Variants in PCBP3 observed in about 807,000 individuals in gnomAD.
PCBP3 encodes poly(rC)-binding protein 3.
PCBP3 carries 25 observed loss-of-function variants against 52.7 expected under a neutral mutation model. The observed-to-expected ratio is 0.47, with a 90% confidence interval of 0.35 to 0.66. PCBP3 has a LOEUF of 0.66. PCBP3 is among the 30% of genes least tolerant of loss of function. The probability of loss-of-function intolerance (pLI) is 0.01; values close to 1 mark genes in which losing one functional copy is unlikely to be tolerated. For synonymous variants in PCBP3, 162 were observed against 183.0 expected, an observed-to-expected ratio of 0.89 and a Z score of 0.93; for missense variants, 391 against 490.3, an observed-to-expected ratio of 0.80 and a Z score of 1.91.
chr21:45,816,263 A>G (rs1387076920), intron 4 of PCBP3, among the ~76,000 whole-genome samples: 1 of 152,120 alleles, frequency 6.6e-6, no homozygotes, highest in Non-Finnish European at 1.5e-5. Flanking sequence ...TCAATAATAA[A>G]TTAACCTTAG....
intron 1 of PCBP3, among the ~76,000 whole-genome samples, chr21:45,658,284 T>C (rs2080152212): frequency 1.3e-5 from 2 of 152,132 alleles, no homozygotes; most frequent in South Asian, 4.1e-4. Flanking sequence ...TATATATTGG[T>C]GGATTCGGTT....
At chr21:45,939,798 A>G (rs369030240) in intron 16 of PCBP3, among the ~76,000 whole-genome samples, 6 of 152,102 alleles carry the variant, frequency 3.9e-5, no homozygotes, top group African/African-American at 1.4e-4. Flanking sequence ...CGGGTCTGAG[A>G]GGGGCCAGCA....
At chr21:45,834,559 G>A (rs2093535520) in intron 4 of PCBP3, among the ~76,000 whole-genome samples, 1 of 152,172 alleles carries the variant, frequency 6.6e-6, no homozygotes, top group South Asian at 2.1e-4. Flanking sequence ...AACAGAAGAC[G>A]GCCACAGCCC....
rs374066398 is a variant in PCBP3 at position 45,803,810 on chromosome 21, G to A, written c.-125-46151G>A. On this transcript the variant is annotated intron_variant, in intron 4 of 17. Transcript: ENST00000681687. ...TGGAACATGGCTTCCCCGTGGCCTC[G>A]CTGCCATAGTCAGGCCTCGGGAGGT... Among the ~76,000 whole-genome samples the A allele has an allele frequency of 3.0e-3, 463 of 152,300 alleles. 1 individual carries two copies. Among genetic ancestry groups the A allele is most frequent in the African/African-American group, 0.01 (424 of 41,564 alleles).
intron 2 of PCBP3, among the ~76,000 whole-genome samples, chr21:45,725,059 C>T (rs1298185526): frequency 6.6e-6 from 1 of 151,952 alleles, no homozygotes; most frequent in Non-Finnish European, 1.5e-5. Flanking sequence ...TATTACTGGC[C>T]GTGTTTTAAA....
chr21:45,914,456 G>A (rs368882173), intron 12 of PCBP3: 17 of 334,882 alleles, frequency 5.1e-5, no homozygotes, highest in East Asian at 4.1e-4. Context: ...GCAGGGACGT[G>A]CGAGAGGAGG....
intron 5 of PCBP3, among the ~76,000 whole-genome samples, chr21:45,861,790 G>A (rs2094520014): frequency 6.6e-6 from 1 of 152,148 alleles, no homozygotes; most frequent in Non-Finnish European, 1.5e-5. Flanking sequence ...CAGACTACAA[G>A]GAAATAAGAG....
At chr21:45,924,325 G>A (rs2075013200) in intron 13 of PCBP3, among the ~76,000 whole-genome samples, 1 of 137,604 alleles carries the variant, frequency 7.3e-6, no homozygotes, top group African/African-American at 2.8e-5. Context: ...GGTAGAAACA[G>A]CACACGTAAG....
intron 9 of PCBP3, 132 bp from the exon 10 acceptor site, chr21:45,909,223 T>C: frequency 1.0e-6 from 1 of 971,580 alleles, no homozygotes. Context: ...GCCTGGCCAC[T>C]TTGTCCTCGG....
intron 2 of PCBP3, among the ~76,000 whole-genome samples, chr21:45,694,386 C>A (rs2147849544): frequency 6.6e-6 from 1 of 152,182 alleles, no homozygotes; most frequent in African/African-American, 2.4e-5. Flanking sequence ...AAAATCTATA[C>A]CACTTGAACA....
At position 45,814,839 on chromosome 21, in the gene PCBP3, A is replaced by AGTGAGTGGTGAG. The variant is rs2092818448; in HGVS notation, c.-125-35122_-125-35121insGTGAGTGGTGAG. Among the ~76,000 whole-genome samples the AGTGAGTGGTGAG allele has an allele frequency of 1.3e-4, 10 of 77,082 alleles. 1 individual carries two copies. Among genetic ancestry groups the AGTGAGTGGTGAG allele is most frequent in the Non-Finnish European group, 1.5e-4 (6 of 39,610 alleles). The allele number at this position is 77,082 out of a possible 152,430, so 50.6% of individuals were successfully genotyped here. A position where few individuals can be genotyped will look rare whatever the true frequency, so the allele number is the denominator to read the frequency against. ...GTGGTGAGTGGTGAGTGAGTGGTGA[A>AGTGAGTGGTGAG]TGATGAGTGAGTGGTGAGTGATGAG... On this transcript the variant is annotated intron_variant, in intron 4 of 17. Coordinates refer to ENST00000681687, the MANE Select transcript of PCBP3 (RefSeq NM_001384156.1).
intron 4 of PCBP3, among the ~76,000 whole-genome samples, chr21:45,838,939 C>G (rs1026324948): frequency 6.6e-6 from 1 of 152,178 alleles, no homozygotes; most frequent in African/African-American, 2.4e-5. Flanking sequence ...TCACAAAAGT[C>G]TCACTTTCCT....
At chr21:45,941,557 G>A (rs1030238405) in intron 17 of PCBP3, 113 bp from the exon 18 acceptor site, 12 of 900,506 alleles carry the variant, frequency 1.3e-5, no homozygotes, top group African/African-American at 5.1e-5. Context: ...TGAGCTGACC[G>A]GGATGGCCTG....
At chr21:45,855,007 C>T (rs536259506) in intron 5 of PCBP3, among the ~76,000 whole-genome samples, 1 of 152,200 alleles carries the variant, frequency 6.6e-6, no homozygotes, top group Admixed American at 6.5e-5. Flanking sequence ...AGGAGCCTCT[C>T]GGAACAGCTC....
intron 7 of PCBP3, among the ~76,000 whole-genome samples, chr21:45,899,838 T>G (rs1192496944): frequency 2.0e-5 from 3 of 152,068 alleles, no homozygotes; most frequent in Non-Finnish European, 4.4e-5. Flanking sequence ...GGGGAAGGGG[T>G]TCACTCCAGC....
At chr21:45,676,828 G>A (rs2081498978) in intron 2 of PCBP3, among the ~76,000 whole-genome samples, 1 of 152,142 alleles carries the variant, frequency 6.6e-6, no homozygotes, top group Admixed American at 6.5e-5. Flanking sequence ...CTGGAGTGCA[G>A]TGGTGTGATC....
chr21:45,645,105 C>T (rs1340700086), intron 1 of PCBP3, among the ~76,000 whole-genome samples: 1 of 152,184 alleles, frequency 6.6e-6, no homozygotes, highest in African/African-American at 2.4e-5. Context: ...TCTGAAAGGA[C>T]CTAATTGATC....
intron 5 of PCBP3, among the ~76,000 whole-genome samples, chr21:45,857,623 C>A (rs2094351476): frequency 6.6e-6 from 1 of 152,212 alleles, no homozygotes; most frequent in Admixed American, 6.5e-5. Flanking sequence ...GCACACCTCA[C>A]TATATCTCCC....
At chr21:45,936,095 C>T (rs892962422) in intron 16 of PCBP3, among the ~76,000 whole-genome samples, 1 of 152,220 alleles carries the variant, frequency 6.6e-6, no homozygotes. Context: ...CTTCACTGTT[C>T]TGCCCCTTTA....
Sources: gnomAD v4.1 joint callset for allele counts (sites outside exome capture counted in the v4.1 genomes callset) on GRCh38, gnomAD v4.1.1 for gene constraint, MANE v1.5 for transcripts, NCBI Gene and HGNC (gene_info 2026-07-23, HGNC 2026-07-21) for gene names.